The following XRCC2 variants were observed in gnomAD, a reference collection of about 807,000 sequenced individuals.
XRCC2 encodes X-ray repair cross complementing 2, also known as DNA repair protein XRCC2.
XRCC2 carries 24 observed loss-of-function variants against 27.3 expected under a neutral mutation model. That is an observed-to-expected ratio of 0.88 (90% CI 0.64 to 1.24). The LOEUF (loss-of-function observed/expected upper bound fraction) is 1.24, where lower values mean the gene tolerates loss of function less well. Ranked by LOEUF, XRCC2 falls within the 50% of genes most tolerant of loss-of-function variation. The pLI is 0.00. For synonymous variants in XRCC2, 106 were observed against 115.4 expected (o/e 0.92, Z 0.52); for missense variants, 321 against 325.8 (o/e 0.99, Z 0.11).
chr7:152,663,768 G>C (rs1406804650), intron 1 of XRCC2, among the ~76,000 whole-genome samples: 1 of 152,144 alleles, frequency 6.6e-6, no homozygotes, highest in Admixed American at 6.6e-5. Context: ...GAGTCCAGGA[G>C]GTCGAGGCTG....
rs201707141 is a variant in XRCC2, at chr7:152,655,669, G to A, written c.121+5032C>T. ...CGAGGCTGCAGCGAGCCGTCACGGC[G>A]CCACTGCACTCCAGCCTGGGCAACA... On this transcript the variant is annotated intron_variant, in intron 2 of 2. Transcript: ENST00000359321. 1.1e-3 allele frequency among the ~76,000 whole-genome samples: 170 copies of A among 152,226 alleles called. 1 individual carries two copies. The highest frequency in any genetic ancestry group is 9.7e-4 in the East Asian group (5 of 5,172).
chr7:152,667,405 CAAA>C (rs60136474), intron 1 of XRCC2, among the ~76,000 whole-genome samples: 14 of 75,860 alleles, frequency 1.8e-4, no homozygotes, highest in East Asian at 1.2e-3. Flanking sequence ...AACTCCGTCT[CAAA>C]AAAAAAAAAA....
At chr7:152,653,094 AC>A (rs201425295) in intron 2 of XRCC2, among the ~76,000 whole-genome samples, 1 of 152,082 alleles carries the variant, frequency 6.6e-6, no homozygotes. Flanking sequence ...TGTGGGAGGG[AC>A]CCAGTGGGGG....
intron 2 of XRCC2, among the ~76,000 whole-genome samples, chr7:152,651,764 TCAGCC>T (rs2098028619): frequency 6.6e-6 from 1 of 151,630 alleles, no homozygotes; most frequent in Non-Finnish European, 1.5e-5. Flanking sequence ...TCTGCCTGCC[TCAGCC>T]TCCCAAAGTG....
Position 152,653,795 on chromosome 7 carries a change from T to C in XRCC2, c.122-4432A>G, listed in dbSNP as rs565462088. 1.9e-4 allele frequency among the ~76,000 whole-genome samples: 29 copies of C among 152,172 alleles called. No homozygotes were observed. Among genetic ancestry groups the C allele is most frequent in the African/African-American group, 7.0e-4 (29 of 41,526 alleles). ...AAATTTTTAGTTCACATAATTCACA[T>C]TGAGTATTCCAGCAAAAATTTAGCT... On this transcript the variant is annotated intron_variant, in intron 2 of 2. Coordinates refer to ENST00000359321, the MANE Select transcript of XRCC2 (RefSeq NM_005431.2).
Position 152,658,096 on chromosome 7 carries a change from G to A in XRCC2, c.121+2605C>T, listed in dbSNP as rs528411989. On this transcript the variant is annotated intron_variant, in intron 2 of 2. Transcript: ENST00000359321. The stretch of plus-strand genomic sequence containing the variant: ...TTCTCCTGTCTTGACCTCTCAAGTA[G>A]CTGGGATTACAGGCATGAGCCATCA... 2.3e-3 allele frequency among the ~76,000 whole-genome samples: 341 copies of A among 151,402 alleles called. 2 individuals are homozygous for A. Among genetic ancestry groups the A allele is most frequent in the African/African-American group, 7.8e-3 (322 of 41,270 alleles).
At chr7:152,665,281 C>G (rs2098035076) in intron 1 of XRCC2, among the ~76,000 whole-genome samples, 1 of 152,120 alleles carries the variant, frequency 6.6e-6, no homozygotes, top group African/African-American at 2.4e-5. Context: ...ACTGTGGACC[C>G]CAACCAGACT....
rs932641196 is a variant in XRCC2 at position 152,648,824 on chromosome 7, T to C, written c.661A>G (p.Ile221Val). The C allele has an allele frequency of 1.2e-6, 2 of 1,614,004 alleles. No homozygotes were observed. Among genetic ancestry groups the C allele is most frequent in the East Asian group, 2.2e-5 (1 of 44,882 alleles). Reference sequence around the variant, plus strand: ...TTACAGAGATAAGGTCTGTAGTCTATGTCCACATCACACAGTCGTCGAGAG... The same window carrying C: ...TTACAGAGATAAGGTCTGTAGTCTACGTCCACATCACACAGTCGTCGAGAG... ...HASRRLCDVDIDYRPYLCKAW... is the reference protein window; with the variant it reads ...HASRRLCDVDVDYRPYLCKAW... The change falls in exon 3 of 3, where the codon ATA becomes GTA. Residue 221 changes from isoleucine (I) to valine (V), a missense_variant. Transcript: ENST00000359321.
intron 2 of XRCC2, among the ~76,000 whole-genome samples, chr7:152,658,858 C>CT: frequency 6.6e-6 from 1 of 152,332 alleles, no homozygotes; most frequent in South Asian, 2.1e-4. Flanking sequence ...CCCAGGGATT[C>CT]ATTATAAGCA....
intron 2 of XRCC2, among the ~76,000 whole-genome samples, chr7:152,659,237 TAA>T (rs907262359): frequency 4.0e-5 from 6 of 151,728 alleles, no homozygotes; most frequent in Admixed American, 2.6e-4. Context: ...TAAGACAAAA[TAA>T]AAAGTTATAT....
chr7:152,649,735 C>T (rs1158393198), intron 2 of XRCC2, among the ~76,000 whole-genome samples: 1 of 152,060 alleles, frequency 6.6e-6, no homozygotes, highest in Non-Finnish European at 1.5e-5. Flanking sequence ...AGTATAAAAC[C>T]CAATTTGATG....
At chr7:152,669,505 C>T (rs1339920400) in intron 1 of XRCC2, among the ~76,000 whole-genome samples, 5 of 152,148 alleles carry the variant, frequency 3.3e-5, no homozygotes, top group Non-Finnish European at 7.4e-5. Flanking sequence ...TGGGTTCAAG[C>T]GATTCTCCTG....
At chr7:152,649,431 T>G in intron 2 of XRCC2, 68 bp from the exon 3 acceptor site, 1 of 1,495,246 alleles carries the variant, frequency 6.7e-7, no homozygotes, top group Non-Finnish European at 8.9e-7. Context: ...ATGCAAAGTC[T>G]GCAAAAAAGT....
chr7:152,651,538 G>C (rs1213000440), intron 2 of XRCC2, among the ~76,000 whole-genome samples: 1 of 151,986 alleles, frequency 6.6e-6, no homozygotes, highest in Non-Finnish European at 1.5e-5. Flanking sequence ...GCTGCAGTGA[G>C]CCAAGACTGC....
At chr7:152,670,818 C>T (rs1004079094) in intron 1 of XRCC2, among the ~76,000 whole-genome samples, 3 of 152,074 alleles carry the variant, frequency 2.0e-5, no homozygotes, top group Admixed American at 6.6e-5. Context: ...AGGCTGGTCT[C>T]GAACTCAGGT....
chr7:152,673,830 C>T (rs1352994086), intron 1 of XRCC2, among the ~76,000 whole-genome samples: 5 of 151,874 alleles, frequency 3.3e-5, no homozygotes, highest in Admixed American at 2.6e-4. Context: ...GAGCCAAGAT[C>T]GCGCCACTGC....
rs730882046 is a variant in XRCC2, at chr7:152,649,366, G to T, written c.122-3C>A. On this transcript the variant is annotated splice_region_variant and splice_polypyrimidine_tract_variant and intron_variant, in intron 2 of 2. Coordinates refer to ENST00000359321, the MANE Select transcript of XRCC2 (RefSeq NM_005431.2). ...GCCATGAAATTCAAGAATATCACCT[G>T]TGTAAAATTTAAAAATCTCAGTCAA... 6.4e-7 allele frequency: 1 copy of T among 1,550,704 alleles called. No homozygotes were observed. Among genetic ancestry groups the T allele is most frequent in the East Asian group, 2.3e-5 (1 of 44,174 alleles).
At chr7:152,675,694 C>T (rs1219202156) in intron 1 of XRCC2, among the ~76,000 whole-genome samples, 4 of 152,180 alleles carry the variant, frequency 2.6e-5, no homozygotes, top group South Asian at 4.1e-4. Flanking sequence ...ACATTTCCAA[C>T]GGTAGTTAAT....
chr7:152,663,665 CCT>C lies in XRCC2; in HGVS notation c.40-2885_40-2884del. Among the ~76,000 whole-genome samples, 2 of 152,206 alleles carry C rather than the reference CCT, an allele frequency of 1.3e-5. 1 individual carries two copies. On this transcript the variant is annotated intron_variant, in intron 1 of 2. Transcript: ENST00000359321. ...ACCAGCCTGGGAAACATGGCGAAAC[CCT>C]GTCTCTACAAAAAATACAAAAATTG...
Sources: allele counts gnomAD v4.1 joint callset (sites outside exome capture counted in the v4.1 genomes callset), GRCh38; gene constraint gnomAD v4.1.1; transcripts MANE v1.5; gene names NCBI Gene and HGNC (gene_info 2026-07-23, HGNC 2026-07-21).